ABCA5: variants seen among roughly 807,000 people sequenced by gnomAD.
ABCA5 encodes the protein cholesterol transporter ABCA5.
Under a neutral mutation model 206.0 loss-of-function variants are expected in ABCA5, and 163 were observed. The ratio of observed to expected loss-of-function variants is 0.79; its 90% CI spans 0.70 to 0.90. ABCA5 has a LOEUF of 0.90. Among genes scored for constraint, ABCA5 ranks in the 40% least tolerant of loss-of-function variants. The pLI is 0.00. For missense variants in ABCA5, 1,859 were observed against 1,912.9 expected (o/e 0.97, Z 0.53); for synonymous variants, 609 against 613.8 (o/e 0.99, Z 0.11).
chr17:69,282,230 T>C (rs2075401469), intron 18 of ABCA5, among the ~76,000 whole-genome samples: 1 of 152,128 alleles, frequency 6.6e-6, no homozygotes, highest in African/African-American at 2.4e-5. Flanking sequence ...TTTTTCTAGG[T>C]TTTTCCATTT....
At chr17:69,283,282 C>T (rs1202642812) in intron 18 of ABCA5, among the ~76,000 whole-genome samples, 1 of 152,142 alleles carries the variant, frequency 6.6e-6, no homozygotes, top group Admixed American at 6.6e-5. Context: ...CTGCGCCCGG[C>T]CTCCCTATTT....
In ABCA5 at chr17:69,320,943, T is replaced by C. The variant is rs111354287; in HGVS notation, c.-16+6109A>G. Among the ~76,000 whole-genome samples the C allele has an allele frequency of 3.4e-3, 523 of 152,310 alleles. 4 individuals are homozygous for C. Among genetic ancestry groups the C allele is most frequent in the African/African-American group, 0.012 (503 of 41,558 alleles). ...TCAGGTGTCGAGACCACATTGTCTC[T>C]CGACAATTGGTCGAGAGATTATACC... is the stretch of plus-strand genomic sequence containing the variant. On this transcript the variant is annotated intron_variant, in intron 1 of 38. Transcript: ENST00000392676.
At chr17:69,274,555 T>C (rs1047577198) in intron 19 of ABCA5, among the ~76,000 whole-genome samples, 3 of 142,396 alleles carry the variant, frequency 2.1e-5, no homozygotes, top group Non-Finnish European at 4.6e-5. Context: ...TCTAGATAGT[T>C]AAAAGATAAT....
Position 69,321,401 on chromosome 17 carries a change from T to C in ABCA5, c.-16+5651A>G, listed in dbSNP as rs145397823. 7.9e-4 allele frequency among the ~76,000 whole-genome samples: 120 copies of C among 152,306 alleles called. 2 individuals carry two copies. The East Asian group carries it at 0.021, about 27-fold the overall frequency. ...GGGGACATCTATGAAGGGTTTGACT[T>C]ATCAGGTGCCTTTTCTTGGGATACA... is the stretch of plus-strand genomic sequence containing the variant. On this transcript the variant is annotated intron_variant, in intron 1 of 38. Coordinates refer to ENST00000392676, the MANE Select transcript of ABCA5 (RefSeq NM_172232.4).
In ABCA5 at chr17:69,250,572, A is replaced by T. The variant is rs567661810; in HGVS notation, c.4585T>A (p.Phe1529Ile). Residue 1529 changes from phenylalanine to isoleucine, a missense_variant, in exon 36 of 39, where the codon TTT (phenylalanine) becomes ATT (isoleucine). Coordinates refer to ENST00000392676, the MANE Select transcript of ABCA5 (RefSeq NM_172232.4). Reference sequence around the variant, plus strand: ...CAGTCCTTCAATTTAATTTCCAAAAAGTAGCCTTTTCCAAATTTACTCTTT... The same window carrying T: ...CAGTCCTTCAATTTAATTTCCAAAATGTAGCCTTTTCCAAATTTACTCTTT... ...HLKSKFGKGY[F>I]LEIKLKDWIE... 63 of 1,601,514 alleles carry T rather than the reference A, an allele frequency of 3.9e-5. No homozygotes were observed. In the South Asian group the frequency reaches 6.7e-4, roughly 17 times the overall value.
intron 18 of ABCA5, among the ~76,000 whole-genome samples, chr17:69,280,900 G>A (rs993819827): frequency 5.3e-5 from 8 of 152,142 alleles, no homozygotes; most frequent in Non-Finnish European, 7.4e-5. Context: ...GGGGAGCGGG[G>A]AGGGATAGCA....
rs988276222 is a variant in ABCA5, at chr17:69,244,558, T to A, written c.*2979A>T. The A allele has an allele frequency of 3.3e-5, 5 of 151,816 alleles. No homozygotes were observed. The highest frequency in any genetic ancestry group is 3.3e-4 in the Admixed American group (5 of 15,260). The allele number at this position is 151,816 out of a possible 1,614,324, so 9.4% of individuals were successfully genotyped here. A position where few individuals can be genotyped will look rare whatever the true frequency, so the allele number is the denominator to read the frequency against. On this transcript the variant is annotated 3_prime_UTR_variant, in exon 39 of 39. Transcript: ENST00000392676. Reference sequence around the variant, plus strand: ...TAAGAATAGCTGATATAAAAATTATTCATCTGAGAATAAATTCTTTCATTT... The same window carrying A: ...TAAGAATAGCTGATATAAAAATTATACATCTGAGAATAAATTCTTTCATTT...
intron 18 of ABCA5, among the ~76,000 whole-genome samples, chr17:69,281,581 C>G (rs747822512): frequency 1.3e-5 from 2 of 152,002 alleles, no homozygotes; most frequent in African/African-American, 2.4e-5. Flanking sequence ...GACATAATAA[C>G]AAAAGAAAAA....
At chr17:69,266,612 A>T (rs966947756) in intron 23 of ABCA5, among the ~76,000 whole-genome samples, 1 of 147,578 alleles carries the variant, frequency 6.8e-6, no homozygotes, top group African/African-American at 2.4e-5. Context: ...AAATAAATAA[A>T]TAAAAATAAA....
In ABCA5 at chr17:69,308,402, G is replaced by A. The variant is rs947911870; in HGVS notation, c.470-34C>T. 2.1e-6 allele frequency: 3 copies of A among 1,423,032 alleles called. No individual in the cohort carries two copies. The South Asian group carries it at 3.5e-5, about 17-fold the overall frequency. 88.2% of individuals were successfully genotyped at this position (1,423,032 alleles called of 1,614,324 possible). ...GGAAGAATATGAGATCTAAGATTCT[G>A]TACAACATGCAAGTGCATCGTTTTA... On this transcript the variant is annotated intron_variant, in intron 4 of 38. Transcript: ENST00000392676.
Position 69,247,624 on chromosome 17 carries a change from T to C in ABCA5, c.4842A>G (p.Lys1614=). 1 of 1,608,818 alleles carries C rather than the reference T, an allele frequency of 6.2e-7. No homozygotes were observed. Among genetic ancestry groups the C allele is most frequent in the Non-Finnish European group, 8.5e-7 (1 of 1,177,784 alleles). The change falls in exon 39 of 39, where the codon AAA becomes AAG. Residue 1614 remains lysine, a synonymous_variant. Coordinates refer to ENST00000392676, the MANE Select transcript of ABCA5 (RefSeq NM_172232.4). ...AACTATTATCTTCCTCCTCTTGTTCTTTAGTGAGTTCTACAAAAACCTAGG... is the reference window on the plus strand; with the variant it reads ...AACTATTATCTTCCTCCTCTTGTTCCTTAGTGAGTTCTACAAAAACCTAGG... The part of the protein sequence containing the change: ...TLEQVFVELT[K]EQEEEDNSCG...
intron 24 of ABCA5, among the ~76,000 whole-genome samples, chr17:69,263,948 G>T (rs527720297): frequency 6.6e-6 from 1 of 151,874 alleles, no homozygotes; most frequent in Non-Finnish European, 1.5e-5. Context: ...CACCCGTCTC[G>T]GTCTCCCAGA....
At position 69,301,202 on chromosome 17, in the gene ABCA5, T is replaced by C. The variant is rs1439537314; in HGVS notation, c.1204A>G (p.Met402Val). The change falls in exon 9 of 39, where the codon ATG (methionine) becomes GTG (valine). Residue 402 changes from methionine to valine, a missense_variant. Met to Val is a conservative substitution (Grantham distance 21). Coordinates refer to ENST00000392676, the MANE Select transcript of ABCA5 (RefSeq NM_172232.4). ...GPYPLIITII[M>V]LTLNSIFYVL... ...TAGAATATACTATTAAGTGTGAGCA[T>C]GATAATTGTAATAATTAGAGGATAT... 1 of 1,602,752 alleles carries C rather than the reference T, an allele frequency of 6.2e-7. No homozygotes were observed. The highest frequency in any genetic ancestry group is 8.5e-7 in the Non-Finnish European group (1 of 1,176,712).
chr17:69,314,159 T>G (rs544918503), intron 2 of ABCA5, among the ~76,000 whole-genome samples, 155 bp downstream of exon 2: 2 of 152,112 alleles, frequency 1.3e-5, no homozygotes, highest in Non-Finnish European at 2.9e-5. Context: ...TTCAGTTATT[T>G]TTCTGTGGCT....
chr17:69,289,181 G>T lies in ABCA5; in HGVS notation c.1898C>A (p.Pro633Gln). ...GTAAAAGTAATATTTATTTACCTTTGGGTTCCCAAGAACAGCAATTCCTAA... is the reference window on the plus strand; with the variant it reads ...GTAAAAGTAATATTTATTTACCTTTTGGTTCCCAAGAACAGCAATTCCTAA... The part of the protein sequence containing the change: ...LSLGIAVLGN[P>Q]KILLLDEPTA... Residue 633 changes from proline to glutamine, a missense_variant, in exon 14 of 39, where the codon CCA becomes CAA. Coordinates refer to ENST00000392676, the MANE Select transcript of ABCA5 (RefSeq NM_172232.4). 1 of 1,595,470 alleles carries T rather than the reference G, an allele frequency of 6.3e-7. No homozygotes were observed. The highest frequency in any genetic ancestry group is 8.5e-7 in the Non-Finnish European group (1 of 1,174,356).
At chr17:69,308,725 A>C (rs1287227532) in intron 4 of ABCA5, among the ~76,000 whole-genome samples, 1 of 152,178 alleles carries the variant, frequency 6.6e-6, no homozygotes, top group African/African-American at 2.4e-5. Context: ...AGTCAAAGTT[A>C]AGCAAACAGG....
chr17:69,318,294 C>T (rs781010707), intron 1 of ABCA5, among the ~76,000 whole-genome samples: 5 of 151,996 alleles, frequency 3.3e-5, no homozygotes, highest in Admixed American at 6.6e-5. Flanking sequence ...GGGATTTCAC[C>T]ATGTTGGTCA....
chr17:69,275,119 C>T (rs968761980), intron 19 of ABCA5, among the ~76,000 whole-genome samples: 1 of 152,184 alleles, frequency 6.6e-6, no homozygotes, highest in African/African-American at 2.4e-5. Flanking sequence ...GCTGGGATTT[C>T]AGGTGTGAGC....
At chr17:69,272,354 T>C (rs954242174) in intron 20 of ABCA5, among the ~76,000 whole-genome samples, 5 of 152,084 alleles carry the variant, frequency 3.3e-5, no homozygotes, top group Non-Finnish European at 7.4e-5. Flanking sequence ...TGGTTTTATT[T>C]TGGAACACAC....
Sources: gnomAD v4.1 joint callset for allele counts (sites outside exome capture counted in the v4.1 genomes callset) on GRCh38, gnomAD v4.1.1 for gene constraint, MANE v1.5 for transcripts, NCBI Gene and HGNC (gene_info 2026-07-23, HGNC 2026-07-21) for gene names.